Variants in IGFL2 observed in about 807,000 individuals in gnomAD.
IGFL2 encodes the protein IGF like family member 2, also known as insulin growth factor-like family member 2.
Under a neutral mutation model 13.9 loss-of-function variants are expected in IGFL2, and 7 were observed. The ratio of observed to expected loss-of-function variants is 0.51; its 90% CI spans 0.29 to 0.95. The LOEUF is 0.95. Among genes scored for constraint, IGFL2 ranks in the 40% least tolerant of loss-of-function variants. The pLI is 0.08. For synonymous variants in IGFL2, 55 were observed against 55.8 expected, an observed-to-expected ratio of 0.99 and a Z score of 0.07; for missense variants, 138 against 147.8, an observed-to-expected ratio of 0.93 and a Z score of 0.34.
chr19:46,119,554 A>G, the IGFL2 span, among the ~76,000 whole-genome samples: 1 of 141,436 alleles, frequency 7.1e-6, no homozygotes, highest in Non-Finnish European at 1.5e-5. Flanking sequence ...GGGGCCAAAG[A>G]CTGGCTTAGT....
At chr19:46,168,934 G>GTGTGTA in the IGFL2 span, among the ~76,000 whole-genome samples, 1 of 151,554 alleles carries the variant, frequency 6.6e-6, no homozygotes, top group African/African-American at 2.4e-5. Flanking sequence ...GTGTGTGTGT[G>GTGTGTA]TGTGTATGTG....
At chr19:46,197,327 G>T in the IGFL2 span, 1 of 175,240 alleles carries the variant, frequency 5.7e-6, no homozygotes. Context: ...GTCCTGGGGG[G>T]CTGCATGCCT....
At chr19:46,130,543 G>T in the IGFL2 span, among the ~76,000 whole-genome samples, 1 of 152,132 alleles carries the variant, frequency 6.6e-6, no homozygotes, top group Non-Finnish European at 1.5e-5. Context: ...TTTTCATTAT[G>T]TTTATAAACT....
the IGFL2 span, among the ~76,000 whole-genome samples, chr19:46,174,306 C>T: frequency 6.6e-6 from 1 of 152,196 alleles, no homozygotes; most frequent in Admixed American, 6.5e-5. Context: ...GAGCATAAAA[C>T]CAACACCGGG....
upstream of IGFL2, among the ~76,000 whole-genome samples, chr19:46,138,421 G>T (rs1314992470): frequency 1.3e-5 from 2 of 152,162 alleles, no homozygotes; most frequent in Non-Finnish European, 2.9e-5. Context: ...TTCCCCATTT[G>T]CTAGCAACAA....
chr19:46,147,517 G>A (rs1973201521), upstream of IGFL2, among the ~76,000 whole-genome samples: 1 of 152,212 alleles, frequency 6.6e-6, no homozygotes, highest in Admixed American at 6.5e-5. Flanking sequence ...TGATTGCAAT[G>A]TATTATAGGC....
At chr19:46,124,378 AAAACAAAC>A in the IGFL2 span, 10 of 1,525,148 alleles carry the variant, frequency 6.6e-6, no homozygotes, top group Non-Finnish European at 9.1e-6. Context: ...AAGTATGGAA[AAAACAAAC>A]AAACAAACAA....
At chr19:46,092,443 C>T in the IGFL2 span, among the ~76,000 whole-genome samples, 2 of 151,862 alleles carry the variant, frequency 1.3e-5, no homozygotes, top group Non-Finnish European at 2.9e-5. Flanking sequence ...CCAGTCTGGT[C>T]AACATGGTAA....
At chr19:46,136,539 A>T in the IGFL2 span, among the ~76,000 whole-genome samples, 1 of 152,210 alleles carries the variant, frequency 6.6e-6, no homozygotes, top group African/African-American at 2.4e-5. Context: ...CATGTAAAAA[A>T]TAATACTCTT....
chr19:46,097,420 A>G, the IGFL2 span, among the ~76,000 whole-genome samples: 1 of 151,876 alleles, frequency 6.6e-6, no homozygotes, highest in Non-Finnish European at 1.5e-5. Flanking sequence ...TTTTTAGTCT[A>G]GCTAGCAGTC....
chr19:46,103,851 G>C, the IGFL2 span, among the ~76,000 whole-genome samples: 1 of 152,168 alleles, frequency 6.6e-6, no homozygotes, highest in African/African-American at 2.4e-5. Flanking sequence ...GGGAAGTAGG[G>C]TTGAGTACTT....
the IGFL2 span, among the ~76,000 whole-genome samples, chr19:46,103,436 T>C: frequency 1.3e-5 from 2 of 151,984 alleles, no homozygotes; most frequent in African/African-American, 4.8e-5. Context: ...GGAATGAGAA[T>C]AAGAGTGAGT....
the IGFL2 span, among the ~76,000 whole-genome samples, chr19:46,186,439 C>T: frequency 2.6e-5 from 4 of 152,018 alleles, no homozygotes; most frequent in Non-Finnish European, 5.9e-5. Context: ...AGGCTCTTAT[C>T]GGTGTTGACC....
the IGFL2 span, among the ~76,000 whole-genome samples, chr19:46,081,501 C>G: frequency 3.7e-4 from 56 of 152,300 alleles, no homozygotes; most frequent in African/African-American, 1.3e-3. Context: ...ATCCAGAATT[C>G]AGTGTTGCAA....
At chr19:46,094,570 A>G in the IGFL2 span, among the ~76,000 whole-genome samples, 3 of 151,622 alleles carry the variant, frequency 2.0e-5, no homozygotes, top group Non-Finnish European at 4.4e-5. Flanking sequence ...CAGGACATGC[A>G]GGTTTGTCAC....
At chr19:46,138,367 G>C (rs1213535053), upstream of IGFL2, among the ~76,000 whole-genome samples, 19 of 152,164 alleles carry the variant, frequency 1.2e-4, no homozygotes, top group Admixed American at 1.2e-3. Flanking sequence ...TTGTCCCCTG[G>C]ATCTTCAGGG....
the IGFL2 span, among the ~76,000 whole-genome samples, chr19:46,187,117 G>A: frequency 6.6e-6 from 1 of 152,182 alleles, no homozygotes; most frequent in Non-Finnish European, 1.5e-5. Context: ...GGACCCAGTC[G>A]ATGCTGCTGG....
At chr19:46,183,026 A>G in the IGFL2 span, among the ~76,000 whole-genome samples, 1 of 152,070 alleles carries the variant, frequency 6.6e-6, no homozygotes, top group African/African-American at 2.4e-5. Context: ...CTACTGCCTG[A>G]GATTGGGTAA....
chr19:46,166,702 G>T, the IGFL2 span, among the ~76,000 whole-genome samples: 1 of 152,148 alleles, frequency 6.6e-6, no homozygotes, highest in African/African-American at 2.4e-5. Flanking sequence ...GTTCAGAGAC[G>T]TACCCCTAGG....
Sources: gnomAD v4.1 joint callset for allele counts (sites outside exome capture counted in the v4.1 genomes callset) on GRCh38, gnomAD v4.1.1 for gene constraint, MANE v1.5 for transcripts, NCBI Gene and HGNC (gene_info 2026-07-23, HGNC 2026-07-21) for gene names.